LOC128125817: variants seen among roughly 807,000 people sequenced by gnomAD.
the LOC128125817 span, among the ~76,000 whole-genome samples, chr1:41,597,905 G>A: frequency 6.6e-6 from 1 of 152,190 alleles, no homozygotes; most frequent in Non-Finnish European, 1.5e-5. Context: ...AGGCCCAGAT[G>A]CTTGTAGCTA....
chr1:41,628,459 G>A, the LOC128125817 span, among the ~76,000 whole-genome samples: 1 of 152,136 alleles, frequency 6.6e-6, no homozygotes, highest in Non-Finnish European at 1.5e-5. Context: ...AGGAGCTGTT[G>A]TGTCCTTTGC....
At chr1:41,628,439 G>A in the LOC128125817 span, among the ~76,000 whole-genome samples, 1 of 152,142 alleles carries the variant, frequency 6.6e-6, no homozygotes, top group Non-Finnish European at 1.5e-5. Flanking sequence ...GGGGGCTGTG[G>A]CCCTTTGAGA....
chr1:41,614,469 C>A, the LOC128125817 span, among the ~76,000 whole-genome samples: 1 of 152,230 alleles, frequency 6.6e-6, no homozygotes, highest in Non-Finnish European at 1.5e-5. Context: ...CTCCTTTCTG[C>A]AGGGCTTCAG....
chr1:41,604,086 G>C, the LOC128125817 span, among the ~76,000 whole-genome samples: 1 of 152,182 alleles, frequency 6.6e-6, no homozygotes, highest in African/African-American at 2.4e-5. Context: ...ATTGTTAGTG[G>C]GAAGGTAAAT....
chr1:41,592,129 C>T, the LOC128125817 span, among the ~76,000 whole-genome samples: 1 of 152,172 alleles, frequency 6.6e-6, no homozygotes, highest in Non-Finnish European at 1.5e-5. Flanking sequence ...CGGCTGCCTC[C>T]CTGGCTTGCT....
At chr1:41,613,848 C>T in the LOC128125817 span, among the ~76,000 whole-genome samples, 1 of 152,242 alleles carries the variant, frequency 6.6e-6, no homozygotes, top group African/African-American at 2.4e-5. Flanking sequence ...GCCACTAATT[C>T]ATCTAGTTTC....
chr1:41,621,627 G>A, the LOC128125817 span, among the ~76,000 whole-genome samples: 30 of 152,310 alleles, frequency 2.0e-4, no homozygotes, highest in Middle Eastern at 3.4e-3. Flanking sequence ...CCATCCACCC[G>A]CTTCAGTCTC....
At chr1:41,619,565 G>A in the LOC128125817 span, among the ~76,000 whole-genome samples, 1 of 152,210 alleles carries the variant, frequency 6.6e-6, no homozygotes, top group Non-Finnish European at 1.5e-5. Flanking sequence ...TTATGTCTAA[G>A]TAGGGCCGAA....
At chr1:41,594,363 C>T in the LOC128125817 span, among the ~76,000 whole-genome samples, 1 of 152,118 alleles carries the variant, frequency 6.6e-6, no homozygotes, top group Non-Finnish European at 1.5e-5. Flanking sequence ...GCTGGGATTA[C>T]AGGCGTGCAC....
At chr1:41,611,932 T>C in the LOC128125817 span, among the ~76,000 whole-genome samples, 2 of 152,172 alleles carry the variant, frequency 1.3e-5, no homozygotes, top group African/African-American at 2.4e-5. Context: ...CAGATGAACC[T>C]CCTGACTAGG....
At chr1:41,625,029 G>A in the LOC128125817 span, among the ~76,000 whole-genome samples, 19 of 152,108 alleles carry the variant, frequency 1.2e-4, no homozygotes, top group African/African-American at 4.3e-4. Context: ...CTGGTGTGGT[G>A]GCATGCGCCT....
At chr1:41,616,038 T>C in the LOC128125817 span, among the ~76,000 whole-genome samples, 4 of 151,964 alleles carry the variant, frequency 2.6e-5, no homozygotes, top group African/African-American at 9.7e-5. Context: ...GGAGAAGAAA[T>C]GACTGATTTC....
At chr1:41,609,469 G>A in the LOC128125817 span, among the ~76,000 whole-genome samples, 1 of 152,194 alleles carries the variant, frequency 6.6e-6, no homozygotes, top group African/African-American at 2.4e-5. Context: ...CTTTGGAGGT[G>A]GATAATCAGC....
the LOC128125817 span, among the ~76,000 whole-genome samples, chr1:41,608,491 G>A: frequency 4.6e-4 from 70 of 152,306 alleles, no homozygotes; most frequent in South Asian, 2.9e-3. Flanking sequence ...TGAAGAAGGC[G>A]GGGAGGGGTC....
the LOC128125817 span, among the ~76,000 whole-genome samples, chr1:41,589,251 T>C: frequency 6.6e-6 from 1 of 152,120 alleles, no homozygotes; most frequent in Non-Finnish European, 1.5e-5. Context: ...CCTCTACTGA[T>C]GGTCACAGAA....
chr1:41,614,732 G>T, the LOC128125817 span, among the ~76,000 whole-genome samples: 2 of 152,178 alleles, frequency 1.3e-5, no homozygotes, highest in Admixed American at 6.5e-5. Context: ...CACTTAGAAG[G>T]CCCCACATGG....
chr1:41,605,874 A>G, the LOC128125817 span, among the ~76,000 whole-genome samples: 495 of 152,278 alleles, frequency 3.3e-3, 4 homozygotes, highest in Admixed American at 6.6e-3. Context: ...TGTTTATTTA[A>G]ATAAATTCCC....
chr1:41,587,793 C>T, the LOC128125817 span, among the ~76,000 whole-genome samples: 1 of 152,060 alleles, frequency 6.6e-6, no homozygotes. Flanking sequence ...GCCTCTTGAC[C>T]CCCCAGCCAG....
the LOC128125817 span, among the ~76,000 whole-genome samples, chr1:41,605,127 AAAGGG>A: frequency 2.5e-4 from 32 of 127,814 alleles, no homozygotes; most frequent in South Asian, 3.3e-3. Context: ...AAAAAAAGAG[AAAGGG>A]AAGGGAAGGG....
Sources: gnomAD v4.1 joint callset for allele counts (sites outside exome capture counted in the v4.1 genomes callset) on GRCh38, gnomAD v4.1.1 for gene constraint, MANE v1.5 for transcripts.